The following OGA variants were observed in gnomAD, a reference collection of about 807,000 sequenced individuals.
OGA encodes protein O-GlcNAcase.
OGA carries 21 observed loss-of-function variants against 102.0 expected under a neutral mutation model. The observed-to-expected ratio is 0.21, with a 90% CI of 0.15 to 0.30. OGA has a LOEUF of 0.30. OGA is among the 10% of genes least tolerant of loss of function. The pLI is 1.00. For missense variants in OGA, 765 were observed against 1,107.8 expected, an observed-to-expected ratio of 0.69 and a Z score of 4.39; for synonymous variants, 408 against 378.2, an observed-to-expected ratio of 1.08 and a Z score of -0.91.
chr10:101,792,550 T>A (rs2065271893), intron 12 of OGA: 1 of 262,234 alleles, frequency 3.8e-6, no homozygotes, highest in African/African-American at 2.2e-5. Flanking sequence ...TTAGAGATAA[T>A]TAGTCTAAGG....
chr10:101,797,932 A>T, intron 10 of OGA, 48 bp downstream of exon 10: 1 of 1,553,090 alleles, frequency 6.4e-7, no homozygotes, highest in Admixed American at 1.7e-5. Context: ...AATTTTTTTT[A>T]AAGGGACAAT....
At chr10:101,797,317 T>C (rs2065328632) in intron 10 of OGA, 1 of 152,136 alleles carries the variant, frequency 6.6e-6, no homozygotes, top group Non-Finnish European at 1.5e-5. Context: ...ATGCTGGTGC[T>C]TTTTACCAAG....
In OGA at chr10:101,803,416, A is replaced by C. The variant is rs1298601715; in HGVS notation, c.1036+319T>G. Among the ~76,000 whole-genome samples, 2 of 150,494 alleles carry C rather than the reference A, an allele frequency of 1.3e-5. 1 individual carries two copies. The highest frequency in any genetic ancestry group is 4.9e-5 in the African/African-American group (2 of 40,852). On this transcript the variant is annotated intron_variant, in intron 7 of 15. Transcript: ENST00000361464. ...GCTGGAGTGCATTTCCTGGGATTAT[A>C]AGCGAGCCACCACGCTGCTTCTGAA...
chr10:101,814,630 CA>C (rs1228030085), intron 1 of OGA, among the ~76,000 whole-genome samples: 2 of 152,036 alleles, frequency 1.3e-5, no homozygotes, highest in Non-Finnish European at 2.9e-5. Flanking sequence ...TCAAAGGGAC[CA>C]AAAAATGCCT....
chr10:101,790,814 T>C (rs2065252847), intron 14 of OGA, 82 bp downstream of exon 14: 2 of 1,059,624 alleles, frequency 1.9e-6, no homozygotes, highest in South Asian at 3.8e-5. Flanking sequence ...CTTTTCCATT[T>C]TAGTAAGTAC....
In OGA at chr10:101,792,985, G is replaced by A. The variant is rs750179435; in HGVS notation, c.2071-42C>T. 5 of 1,531,360 alleles carry A rather than the reference G, an allele frequency of 3.3e-6. No homozygotes were observed. In the South Asian group the frequency reaches 5.6e-5, roughly 17 times the overall value. The allele number at this position is 1,531,360 out of a possible 1,614,324, so 94.9% of individuals were successfully genotyped here. A position where few individuals can be genotyped will look rare whatever the true frequency, so the allele number is the denominator to read the frequency against. On this transcript the variant is annotated intron_variant, in intron 11 of 15. Transcript: ENST00000361464. ...AAGGAGATGGATTAGTTTGGGGAAG[G>A]TATCCATTTTTTTAAATGGGTGTGC...
intron 1 of OGA, 59 bp downstream of exon 1, chr10:101,817,765 C>A: frequency 6.6e-7 from 1 of 1,516,130 alleles, no homozygotes; most frequent in Non-Finnish European, 8.8e-7. Context: ...CCGCCACCAC[C>A]CTCCTCCCGA....
intron 9 of OGA, 117 bp from the exon 10 acceptor site, chr10:101,798,271 A>G (rs535238258): frequency 5.5e-6 from 5 of 912,214 alleles, no homozygotes; most frequent in Admixed American, 2.8e-5. Context: ...CTTAACCATT[A>G]AAGTATCATT....
chr10:101,789,763 C>G (rs2135028265), intron 14 of OGA, among the ~76,000 whole-genome samples: 1 of 152,056 alleles, frequency 6.6e-6, no homozygotes, highest in Admixed American at 6.6e-5. Flanking sequence ...TGCTTGAGCT[C>G]AGGACTTTGA....
intron 3 of OGA, among the ~76,000 whole-genome samples, chr10:101,810,799 G>A (rs1319756533): frequency 1.3e-5 from 2 of 152,128 alleles, no homozygotes; most frequent in East Asian, 1.9e-4. Flanking sequence ...GCAGTGGCAC[G>A]ATCCTGACTC....
intron 3 of OGA, among the ~76,000 whole-genome samples, chr10:101,811,406 G>GGAA (rs2065554830): frequency 6.6e-5 from 3 of 45,702 alleles, no homozygotes; most frequent in Non-Finnish European, 1.1e-4. Flanking sequence ...GAAAAAAAAT[G>GGAA]AAAAAAAAAA....
Position 101,785,355 on chromosome 10 carries a change from G to T in OGA, c.*1096C>A, listed in dbSNP as rs776522835. ...TAGATACAAACATGCAAGAATTAAA[G>T]ACTCTGATTTAATAAAATCAGTAGT... On this transcript the variant is annotated 3_prime_UTR_variant, in exon 16 of 16. Coordinates refer to ENST00000361464, the MANE Select transcript of OGA (RefSeq NM_012215.5). The T allele has an allele frequency of 2.0e-5, 3 of 152,454 alleles. No homozygotes were observed. The highest frequency in any genetic ancestry group is 4.4e-5 in the Non-Finnish European group (3 of 68,036). 9.4% of individuals were successfully genotyped at this position (152,454 alleles called of 1,614,324 possible).
chr10:101,801,850 A>G (rs1384114331), intron 7 of OGA, among the ~76,000 whole-genome samples: 1 of 152,234 alleles, frequency 6.6e-6, no homozygotes, highest in Non-Finnish European at 1.5e-5. Flanking sequence ...GGGAACTTCA[A>G]AAGTTCAGTG....
intron 10 of OGA, chr10:101,797,678 T>G: frequency 2.0e-6 from 1 of 507,262 alleles, no homozygotes; most frequent in Non-Finnish European, 3.5e-6. Context: ...CAGATAAAAG[T>G]GGTATACAGG....
intron 10 of OGA, among the ~76,000 whole-genome samples, chr10:101,796,421 C>T (rs2065317415): frequency 6.6e-6 from 1 of 152,024 alleles, no homozygotes; most frequent in South Asian, 2.1e-4. Context: ...GCCACCACGC[C>T]CAGCTAATTT....
rs869235919 is a variant in OGA at position 101,790,265 on chromosome 10, GTTTTTTTTTTTTT to G, written c.2454+618_2454+630del. On this transcript the variant is annotated intron_variant, in intron 14 of 15. Transcript: ENST00000361464. ...CTCAACAAAACGACCATAATATCTT[GTTTTTTTTTTTTT>G]TTTTTTTTTTTTGAGACAGAGTTTC... Among the ~76,000 whole-genome samples the G allele has an allele frequency of 9.3e-5, 8 of 86,428 alleles. No individual in the cohort carries two copies. In the Admixed American group the frequency reaches 1.2e-3, roughly 13 times the overall value. 56.7% of individuals were successfully genotyped at this position (86,428 alleles called of 152,430 possible).
chr10:101,803,282 TAG>T (rs1448773853), intron 7 of OGA, among the ~76,000 whole-genome samples: 1 of 152,062 alleles, frequency 6.6e-6, no homozygotes, highest in African/African-American at 2.4e-5. Context: ...CGAATGATTC[TAG>T]AGATAATGGA....
chr10:101,792,579 A>G (rs754718331), intron 12 of OGA: 194 of 372,014 alleles, frequency 5.2e-4, no homozygotes, highest in Non-Finnish European at 8.6e-4. Context: ...TCATTTAGAC[A>G]CATTAACTAT....
Position 101,791,012 on chromosome 10 carries a change from C to T in OGA, c.2338G>A (p.Ala780Thr), listed in dbSNP as rs1309810406. The change falls in exon 14 of 16, where the codon GCC becomes ACC. Residue 780 changes from alanine (A) to threonine (T), a missense_variant. This residue lies in a region of OGA where 146 missense variants were observed against 269.7 expected (regional missense o/e 0.54). Transcript: ENST00000361464. ...GGGGTCACATCTACAGTGCCCAAGGCATAACCACATATGCCATCTTCATCT... is the reference window on the plus strand; with the variant it reads ...GGGGTCACATCTACAGTGCCCAAGGTATAACCACATATGCCATCTTCATCT... ...LEDEDGICGY[A>T]LGTVDVTPFI... The T allele has an allele frequency of 1.9e-6, 3 of 1,613,826 alleles. No individual in the cohort carries two copies.
Sources: gnomAD v4.1 joint callset for allele counts (sites outside exome capture counted in the v4.1 genomes callset) on GRCh38, gnomAD v4.1.1 for gene constraint, gnomAD v4.1.1 regional missense constraint, MANE v1.5 for transcripts, NCBI Gene and HGNC (gene_info 2026-07-23, HGNC 2026-07-21) for gene names.